The following PIK3C2G variants were observed in gnomAD, a reference collection of about 807,000 sequenced individuals.
PIK3C2G encodes phosphatidylinositol 3-kinase C2 domain-containing subunit gamma.
PIK3C2G carries 168 observed loss-of-function variants against 181.1 expected under a neutral mutation model. That is an observed-to-expected ratio of 0.93 (90% CI 0.82 to 1.05). PIK3C2G has a LOEUF of 1.05. PIK3C2G is among the 50% of genes least tolerant of loss of function. The pLI is 0.00. For synonymous variants in PIK3C2G, 573 were observed against 592.2 expected, an observed-to-expected ratio of 0.97 and a Z score of 0.47; for missense variants, 1,869 against 1,732.8, an observed-to-expected ratio of 1.08 and a Z score of -1.40.
At chr12:18,698,897 A>G in the PIK3C2G span, among the ~76,000 whole-genome samples, 3 of 152,132 alleles carry the variant, frequency 2.0e-5, no homozygotes, top group Non-Finnish European at 2.9e-5. Context: ...TTTTGTATCC[A>G]TTATTGTCCT....
rs1291461291 is a variant in PIK3C2G, at chr12:18,290,907, T to G, written c.814T>G (p.Trp272Gly). The change falls in exon 4 of 33, where the codon TGG (tryptophan) becomes GGG (glycine). Residue 272 changes from tryptophan to glycine, a missense_variant. Physicochemically the swap from Trp to Gly is radical, Grantham distance 184 (BLOSUM62 -2). Transcript: ENST00000538779. The part of the protein sequence containing the change: ...ADVNFNSGKI[W>G]STTTAFPYQL... ...TGTTAATTTCAATTCTGGGAAGATCTGGAGCACTACTACAGCATTTCCGTA... is the reference window on the plus strand; with the variant it reads ...TGTTAATTTCAATTCTGGGAAGATCGGGAGCACTACTACAGCATTTCCGTA... The G allele has an allele frequency of 4.4e-6, 7 of 1,599,632 alleles. No homozygotes were observed. Among genetic ancestry groups the G allele is most frequent in the Non-Finnish European group, 6.0e-6 (7 of 1,167,028 alleles).
intron 4 of PIK3C2G, among the ~76,000 whole-genome samples, chr12:18,293,002 T>C (rs1400880672): frequency 1.3e-5 from 2 of 152,176 alleles, no homozygotes; most frequent in East Asian, 3.9e-4. Context: ...CCATTCATCT[T>C]TGAAACTTGG....
intron 18 of PIK3C2G, among the ~76,000 whole-genome samples, chr12:18,473,475 G>A (rs1328563883): frequency 2.6e-5 from 4 of 152,190 alleles, no homozygotes; most frequent in South Asian, 2.1e-4. Context: ...ATTGATTTCC[G>A]GCTGGTGCTC....
chr12:18,593,411 G>A lies in PIK3C2G; in HGVS notation c.4012-1083G>A, dbSNP rs184011914. On this transcript the variant is annotated intron_variant, in intron 29 of 32. Transcript: ENST00000538779. ...TTTCCATCTGCCTTTTATTTTCTTG[G>A]AAGTAGAGACAGTCATTAGCAGAGA... Among the ~76,000 whole-genome samples the A allele has an allele frequency of 1.5e-3, 231 of 151,930 alleles. 4 individuals are homozygous for A. The highest frequency in any genetic ancestry group is 1.7e-3 in the Non-Finnish European group (114 of 67,884).
intron 32 of PIK3C2G, among the ~76,000 whole-genome samples, chr12:18,641,061 A>T (rs1050281681): frequency 6.6e-6 from 1 of 152,148 alleles, no homozygotes; most frequent in East Asian, 1.9e-4. Flanking sequence ...CCCTACATTT[A>T]TTCTCTTGAT....
At chr12:18,512,626 T>C (rs1424705421) in intron 24 of PIK3C2G, among the ~76,000 whole-genome samples, 5 of 152,010 alleles carry the variant, frequency 3.3e-5, no homozygotes, top group African/African-American at 1.2e-4. Context: ...GAAATGCTAC[T>C]GATTTTTGTA....
chr12:18,366,740 A>T (rs1224440333), intron 12 of PIK3C2G, among the ~76,000 whole-genome samples: 1 of 90,274 alleles, frequency 1.1e-5, no homozygotes, highest in East Asian at 2.3e-4. Flanking sequence ...TCCTTGGTTT[A>T]AAAAAAAAAA....
rs190214760 is a variant in PIK3C2G, at chr12:18,482,795, G to A, written c.2505-5654G>A. Among the ~76,000 whole-genome samples the A allele has an allele frequency of 4.6e-5, 7 of 152,226 alleles. No individual in the cohort carries two copies. In the South Asian group the frequency reaches 1.0e-3, roughly 23 times the overall value. On this transcript the variant is annotated intron_variant, in intron 18 of 32. Coordinates refer to ENST00000538779, the MANE Select transcript of PIK3C2G (RefSeq NM_001288772.2). ...CTTCCTTCCCCACTGGACTTTGAAA[G>A]GATAAGTGGACATCGTGGACTCACT... is the stretch of plus-strand genomic sequence containing the variant.
intron 24 of PIK3C2G, among the ~76,000 whole-genome samples, chr12:18,526,793 G>T (rs1446540037): frequency 6.6e-6 from 1 of 151,940 alleles, no homozygotes; most frequent in African/African-American, 2.4e-5. Context: ...TACTCACACG[G>T]ACCATTTCAA....
chr12:18,704,931 G>A, the PIK3C2G span, among the ~76,000 whole-genome samples: 1 of 152,042 alleles, frequency 6.6e-6, no homozygotes, highest in Middle Eastern at 3.4e-3. Flanking sequence ...CCATGGGGTA[G>A]GAGACACAAT....
intron 24 of PIK3C2G, among the ~76,000 whole-genome samples, chr12:18,514,716 A>G (rs1267885431): frequency 6.6e-6 from 1 of 151,812 alleles, no homozygotes; most frequent in Non-Finnish European, 1.5e-5. Context: ...CTGCTTTCCT[A>G]TTTGAATGTT....
chr12:18,453,170 C>T (rs1408528173), intron 18 of PIK3C2G, among the ~76,000 whole-genome samples: 1 of 152,034 alleles, frequency 6.6e-6, no homozygotes, highest in Non-Finnish European at 1.5e-5. Context: ...GTGTTAAAGT[C>T]TCCCACTATT....
intron 26 of PIK3C2G, among the ~76,000 whole-genome samples, chr12:18,552,847 A>G (rs1944804292): frequency 6.6e-6 from 1 of 152,156 alleles, no homozygotes; most frequent in Non-Finnish European, 1.5e-5. Context: ...AATTAAACTG[A>G]GAATTTGCCT....
chr12:18,293,323 T>C (rs1248480818), intron 4 of PIK3C2G, among the ~76,000 whole-genome samples: 2 of 152,130 alleles, frequency 1.3e-5, no homozygotes, highest in African/African-American at 4.8e-5. Context: ...AAAATCTATA[T>C]TATTTCCATG....
chr12:18,478,133 A>T (rs183991632), intron 18 of PIK3C2G, among the ~76,000 whole-genome samples: 27 of 152,254 alleles, frequency 1.8e-4, no homozygotes, highest in Admixed American at 8.5e-4. Flanking sequence ...GAAATTTTTT[A>T]AAAAAAGGAC....
intron 20 of PIK3C2G, among the ~76,000 whole-genome samples, chr12:18,494,802 C>A (rs1346050787): frequency 6.6e-6 from 1 of 152,110 alleles, no homozygotes. Context: ...CATTGCTTAA[C>A]AAGCATCCTC....
At position 18,563,464 on chromosome 12, in the gene PIK3C2G, C is replaced by G. The variant is rs1945454188; in HGVS notation, c.3868C>G (p.Leu1290Val). Residue 1290 changes from leucine to valine, a missense_variant, in exon 28 of 33, where the codon CTT becomes GTT. By Grantham distance (32) the Leu-to-Val change is conservative. Transcript: ENST00000538779. Reference protein sequence around the residue: ...FEQFSKLHSQLQKQFASLTLP... With the variant: ...FEQFSKLHSQVQKQFASLTLP... Reference sequence around the variant, plus strand: ...GCAGTTTTCAAAACTTCACAGCCAACTTCAGAAGCAGTTTGCATCACTGAC... The same window carrying G: ...GCAGTTTTCAAAACTTCACAGCCAAGTTCAGAAGCAGTTTGCATCACTGAC... The G allele has an allele frequency of 1.2e-6, 2 of 1,613,688 alleles. No homozygotes were observed. The highest frequency in any genetic ancestry group is 1.7e-6 in the Non-Finnish European group (2 of 1,179,762).
intron 26 of PIK3C2G, among the ~76,000 whole-genome samples, chr12:18,560,098 T>A (rs1345549683): frequency 2.0e-5 from 3 of 151,850 alleles, no homozygotes; most frequent in African/African-American, 7.2e-5. Flanking sequence ...CCCAAAGTGC[T>A]GGGATTACAG....
At chr12:18,620,347 T>C (rs1484935773) in intron 31 of PIK3C2G, among the ~76,000 whole-genome samples, 1 of 152,174 alleles carries the variant, frequency 6.6e-6, no homozygotes, top group Non-Finnish European at 1.5e-5. Context: ...TCTTTATTTC[T>C]AGTAGTATTT....
Sources: gnomAD v4.1 joint callset for allele counts (sites outside exome capture counted in the v4.1 genomes callset) on GRCh38, gnomAD v4.1.1 for gene constraint, MANE v1.5 for transcripts, NCBI Gene and HGNC (gene_info 2026-07-23, HGNC 2026-07-21) for gene names.